Variants in TSPAN14 observed in about 807,000 individuals in gnomAD.
The protein encoded by TSPAN14 is tetraspanin 14.
TSPAN14 carries 16 observed loss-of-function variants against 36.6 expected under a neutral mutation model. The observed-to-expected ratio is 0.44, with a 90% CI of 0.30 to 0.66. The LOEUF (loss-of-function observed/expected upper bound fraction) is 0.66, where lower values mean the gene tolerates loss of function less well. Ranked by LOEUF, TSPAN14 falls within the 30% of genes least tolerant of loss-of-function variation. The probability of loss-of-function intolerance (pLI) is 0.12; values close to 1 mark genes in which losing one functional copy is unlikely to be tolerated. For synonymous variants in TSPAN14, 139 were observed against 143.8 expected, an observed-to-expected ratio of 0.97 and a Z score of 0.24; for missense variants, 231 against 355.1, an observed-to-expected ratio of 0.65 and a Z score of 2.81.
chr10:80,455,141 G>C (rs1358472412), intron 1 of TSPAN14, among the ~76,000 whole-genome samples: 2 of 152,182 alleles, frequency 1.3e-5, no homozygotes, highest in African/African-American at 4.8e-5. Flanking sequence ...GGGTGCGGGT[G>C]GGTAGGAAGT....
At chr10:80,467,866 C>T (rs973680140) in intron 1 of TSPAN14, among the ~76,000 whole-genome samples, 2 of 152,098 alleles carry the variant, frequency 1.3e-5, no homozygotes, top group Admixed American at 1.3e-4. Context: ...TTGGAAATGG[C>T]ACATTACTTT....
intron 1 of TSPAN14, among the ~76,000 whole-genome samples, chr10:80,467,102 G>T (rs953386432): frequency 6.6e-6 from 1 of 152,030 alleles, no homozygotes; most frequent in Admixed American, 6.6e-5. Context: ...TTTATATTTC[G>T]GTATCTTATT....
intron 1 of TSPAN14, among the ~76,000 whole-genome samples, chr10:80,476,835 C>A (rs1846943023): frequency 6.6e-6 from 1 of 152,078 alleles, no homozygotes; most frequent in African/African-American, 2.4e-5. Context: ...TTAAATCTCA[C>A]AATTTCTGTA....
At chr10:80,492,549 G>A (rs1393201552) in intron 2 of TSPAN14, among the ~76,000 whole-genome samples, 2 of 152,290 alleles carry the variant, frequency 1.3e-5, no homozygotes, top group East Asian at 3.9e-4. Flanking sequence ...TGGCGCGGTG[G>A]CTCACATCTG....
intron 4 of TSPAN14, among the ~76,000 whole-genome samples, chr10:80,508,133 T>TTTTTTTTG (rs1554866118): frequency 2.7e-5 from 4 of 149,560 alleles, no homozygotes; most frequent in African/African-American, 7.5e-5. Flanking sequence ...TTTTTTTTTT[T>TTTTTTTTG]GATACCGAGT....
intron 7 of TSPAN14, 101 bp from the exon 8 acceptor site, chr10:80,516,103 C>G: frequency 6.4e-7 from 1 of 1,573,874 alleles, no homozygotes; most frequent in Non-Finnish European, 8.7e-7. Context: ...ATCCCTCGTT[C>G]CCACCCTGCT....
At chr10:80,488,603 G>A (rs550950039) in intron 1 of TSPAN14, among the ~76,000 whole-genome samples, 1 of 152,290 alleles carries the variant, frequency 6.6e-6, no homozygotes, top group East Asian at 1.9e-4. Context: ...CACCTCTGAG[G>A]GCTGAGCTTC....
intron 1 of TSPAN14, among the ~76,000 whole-genome samples, chr10:80,479,020 A>T (rs916519087): frequency 6.6e-6 from 1 of 151,888 alleles, no homozygotes; most frequent in East Asian, 1.9e-4. Flanking sequence ...TGTGGTTTTG[A>T]TTTGCATTTC....
intron 1 of TSPAN14, among the ~76,000 whole-genome samples, chr10:80,479,849 T>TG (rs1247633864): frequency 6.6e-6 from 1 of 150,636 alleles, no homozygotes; most frequent in African/African-American, 2.5e-5. Flanking sequence ...GGTAGCTTGA[T>TG]GGGGATGGCA....
intron 1 of TSPAN14, among the ~76,000 whole-genome samples, chr10:80,457,226 C>A (rs1845775494): frequency 6.6e-6 from 1 of 151,716 alleles, no homozygotes; most frequent in Non-Finnish European, 1.5e-5. Context: ...CACTCTATTG[C>A]CCAGGCTGGA....
At chr10:80,494,734 C>T (rs10785884) in intron 2 of TSPAN14, among the ~76,000 whole-genome samples, 66,082 of 152,100 alleles carry the variant, frequency 0.43, 15,112 homozygotes, top group East Asian at 0.83. Flanking sequence ...TCTTCATTTC[C>T]ATCTCAGTAA....
intron 6 of TSPAN14, among the ~76,000 whole-genome samples, chr10:80,513,621 A>C (rs1291715506): frequency 6.6e-6 from 1 of 152,274 alleles, no homozygotes; most frequent in Non-Finnish European, 1.5e-5. Flanking sequence ...CTGTGAGTTA[A>C]GAATGCATTC....
chr10:80,488,782 G>T (rs946211362), intron 1 of TSPAN14, among the ~76,000 whole-genome samples: 1 of 152,166 alleles, frequency 6.6e-6, no homozygotes. Flanking sequence ...TGGAAAGAAC[G>T]TGGACTGTGA....
rs1485158922 is a variant in TSPAN14 at position 80,517,392 on chromosome 10, A to C, written c.742-513A>C. 2.6e-5 allele frequency among the ~76,000 whole-genome samples: 4 copies of C among 152,242 alleles called. No individual in the cohort carries two copies. The East Asian group carries it at 7.7e-4, about 29-fold the overall frequency. On this transcript the variant is annotated intron_variant, in intron 8 of 8. Coordinates refer to ENST00000429989, the Ensembl canonical transcript of TSPAN14. ...CGTGTTCATCTGTTCACGTTAGAAG[A>C]ACATCAGTCTCCTCTCATGATTTCC...
chr10:80,520,892 C>T (rs1025802403), exon 9 of TSPAN14: 3 of 509,286 alleles, frequency 5.9e-6, no homozygotes, highest in Non-Finnish European at 1.2e-5. Flanking sequence ...CTCGCCAGTT[C>T]TCTGACCTCT....
chr10:80,483,905 T>C (rs1372045532), intron 1 of TSPAN14, among the ~76,000 whole-genome samples: 3 of 49,676 alleles, frequency 6.0e-5, no homozygotes, highest in East Asian at 1.8e-3. Context: ...AGCAAAACTC[T>C]TGTCTCAAAA....
intron 2 of TSPAN14, among the ~76,000 whole-genome samples, chr10:80,497,031 A>C (rs946030574): frequency 6.6e-6 from 1 of 152,098 alleles, no homozygotes; most frequent in African/African-American, 2.4e-5. Flanking sequence ...TTTTTCTACT[A>C]AGTATTCTTC....
At chr10:80,470,952 C>T (rs1271817252) in intron 1 of TSPAN14, among the ~76,000 whole-genome samples, 1 of 152,208 alleles carries the variant, frequency 6.6e-6, no homozygotes, top group Non-Finnish European at 1.5e-5. Flanking sequence ...TGTGTCCCTC[C>T]CTATCTTTAG....
chr10:80,486,105 G>A (rs1413605362), intron 1 of TSPAN14, among the ~76,000 whole-genome samples: 1 of 152,222 alleles, frequency 6.6e-6, no homozygotes, highest in Non-Finnish European at 1.5e-5. Context: ...TTAGGACGTG[G>A]CTGTGAGAGT....
Sources: allele counts gnomAD v4.1 joint callset (sites outside exome capture counted in the v4.1 genomes callset), GRCh38; gene constraint gnomAD v4.1.1; transcripts MANE v1.5; gene names NCBI Gene and HGNC (gene_info 2026-07-23, HGNC 2026-07-21).